The following CACNA1E variants were observed in gnomAD, a reference collection of about 807,000 sequenced individuals.
The protein encoded by CACNA1E is calcium voltage-gated channel subunit alpha1 E.
CACNA1E carries 40 observed loss-of-function variants against 259.2 expected under a neutral mutation model. The observed-to-expected ratio is 0.15, with a 90% confidence interval of 0.12 to 0.20. The LOEUF is 0.20. CACNA1E is among the 10% of genes least tolerant of loss of function. The pLI is 1.00. For synonymous variants in CACNA1E, 1,104 were observed against 1,138.5 expected, an observed-to-expected ratio of 0.97 and a Z score of 0.61; for missense variants, 1,874 against 3,040.1, an observed-to-expected ratio of 0.62 and a Z score of 9.02.
chr1:181,368,549 G>A (rs1488183194), intron 1 of CACNA1E, among the ~76,000 whole-genome samples: 1 of 152,136 alleles, frequency 6.6e-6, no homozygotes, highest in Non-Finnish European at 1.5e-5. Context: ...TGGAGCTGTA[G>A]TAACAACTGC....
chr1:181,790,530 G>A lies in CACNA1E; in HGVS notation c.5872G>A (p.Gly1958Arg), dbSNP rs376329789. Residue 1958 changes from glycine to arginine, a missense_variant, in exon 44 of 48, where the codon GGA becomes AGA. Physicochemically the swap from Gly to Arg is moderately radical, Grantham distance 125. Around this residue, in one of 14 missense-constraint regions of CACNA1E, gnomAD observed 542 missense variants for 587.2 expected, o/e 0.92. Transcript: ENST00000367573. ...GGCTTGTATGGACCCCGCCGATGACGGACAGTTCCAAGAACGGCAGTCTCT... is the reference window on the plus strand; with the variant it reads ...GGCTTGTATGGACCCCGCCGATGACAGACAGTTCCAAGAACGGCAGTCTCT... Reference protein sequence around the residue: ...QLACMDPADDGQFQERQSLEP... With the variant: ...QLACMDPADDRQFQERQSLEP... 1.7e-5 allele frequency: 28 copies of A among 1,610,582 alleles called. No individual in the cohort carries two copies. Among genetic ancestry groups the A allele is most frequent in the Middle Eastern group, 1.6e-4 (1 of 6,062 alleles).
chr1:181,487,840 C>G (rs1365356823), intron 1 of CACNA1E, among the ~76,000 whole-genome samples: 5 of 152,180 alleles, frequency 3.3e-5, no homozygotes, highest in African/African-American at 7.2e-5. Context: ...CTTGGAGACT[C>G]TATGCCAGAG....
chr1:181,581,328 C>T (rs1037613786), intron 6 of CACNA1E, among the ~76,000 whole-genome samples: 10 of 152,134 alleles, frequency 6.6e-5, no homozygotes, highest in African/African-American at 1.4e-4. Context: ...ATCTGATTCT[C>T]ATATGTAGCC....
At chr1:181,442,752 A>C (rs1474149373) in intron 2 of CACNA1E, among the ~76,000 whole-genome samples, 1 of 152,130 alleles carries the variant, frequency 6.6e-6, no homozygotes, top group Non-Finnish European at 1.5e-5. Flanking sequence ...GCCCTTCCAC[A>C]TCCTGTCTCT....
intron 25 of CACNA1E, among the ~76,000 whole-genome samples, chr1:181,749,352 C>G (rs969610633): frequency 3.9e-5 from 6 of 152,154 alleles, no homozygotes; most frequent in African/African-American, 1.4e-4. Flanking sequence ...TGATCTTAGG[C>G]AAGGCACTTC....
chr1:181,666,736 G>A lies in CACNA1E; in HGVS notation c.1055+15295G>A, dbSNP rs188666841. On this transcript the variant is annotated intron_variant, in intron 7 of 47. Transcript: ENST00000367573. ...TATATATATATACACACACACACAC[G>A]ACATATATTGTGTATGTGTGTGTAT... Among the ~76,000 whole-genome samples, 509 of 149,028 alleles carry A rather than the reference G, an allele frequency of 3.4e-3. 4 individuals carry two copies. The highest frequency in any genetic ancestry group is 0.012 in the African/African-American group (481 of 40,694).
intron 24 of CACNA1E, 85 bp downstream of exon 24, chr1:181,738,511 T>G: frequency 9.5e-7 from 1 of 1,056,884 alleles, no homozygotes; most frequent in Non-Finnish European, 1.5e-6. Flanking sequence ...TCCTCAGTGT[T>G]ACCACCTACC....
chr1:181,493,274 G>A (rs1664470500), intron 1 of CACNA1E, among the ~76,000 whole-genome samples: 1 of 152,192 alleles, frequency 6.6e-6, no homozygotes, highest in Non-Finnish European at 1.5e-5. Flanking sequence ...AAATATCAAA[G>A]CCTTTATGAG....
chr1:181,442,569 C>T (rs1443417162), intron 2 of CACNA1E, among the ~76,000 whole-genome samples: 1 of 151,806 alleles, frequency 6.6e-6, no homozygotes, highest in African/African-American at 2.4e-5. Flanking sequence ...TCCAGTGGGC[C>T]ACCTCCCCAC....
intron 6 of CACNA1E, among the ~76,000 whole-genome samples, chr1:181,598,687 T>C (rs1271068023): frequency 1.3e-5 from 2 of 152,238 alleles, no homozygotes; most frequent in South Asian, 2.1e-4. Context: ...TGTCTGACAC[T>C]GTCCTTGTTC....
At chr1:181,714,043 A>G (rs1356769546) in intron 8 of CACNA1E, among the ~76,000 whole-genome samples, 2 of 152,202 alleles carry the variant, frequency 1.3e-5, no homozygotes, top group African/African-American at 4.8e-5. Flanking sequence ...TTCAACAATC[A>G]GTTAAATTCT....
Position 181,798,303 on chromosome 1 carries a change from C to G in CACNA1E, c.6411C>G (p.Ser2137=), listed in dbSNP as rs1338568550. Residue 2137 remains serine, a synonymous_variant, in exon 48 of 48, where the codon TCC becomes TCG. Coordinates refer to ENST00000367573, the MANE Select transcript of CACNA1E (RefSeq NM_001205293.3). The surrounding 1 kb of genome is among the most constrained non-coding windows in gnomAD (Gnocchi z 4.2). ...CTCCTGCTATACAGGGCACAGGTTC[C>G]CTAAGTGAGAGCTCCATCCCCTCTG... The part of the protein sequence containing the change: ...SQTPNRQGTG[S]LSESSIPSVS... The G allele has an allele frequency of 5.6e-6, 9 of 1,595,456 alleles. No individual in the cohort carries two copies. Among genetic ancestry groups the G allele is most frequent in the Non-Finnish European group, 7.7e-6 (9 of 1,172,468 alleles).
At chr1:181,760,119 C>T (rs879375851) in intron 32 of CACNA1E, among the ~76,000 whole-genome samples, 5 of 152,118 alleles carry the variant, frequency 3.3e-5, no homozygotes, top group Admixed American at 3.3e-4. Flanking sequence ...GAAATTTTTT[C>T]TATGCATGTT....
At chr1:181,338,762 T>C (rs1031726071) in intron 1 of CACNA1E, among the ~76,000 whole-genome samples, 1 of 152,204 alleles carries the variant, frequency 6.6e-6, no homozygotes, top group African/African-American at 2.4e-5. Context: ...TTTTCCCTTA[T>C]TTCTTTTTTC....
chr1:181,661,595 G>C (rs1160249469), intron 7 of CACNA1E, among the ~76,000 whole-genome samples: 1 of 152,162 alleles, frequency 6.6e-6, no homozygotes, highest in Non-Finnish European at 1.5e-5. Flanking sequence ...GTATGAGAAA[G>C]CGTAACACAC....
intron 3 of CACNA1E, among the ~76,000 whole-genome samples, chr1:181,532,893 C>A (rs1028191274): frequency 6.6e-6 from 1 of 152,178 alleles, no homozygotes; most frequent in Admixed American, 6.5e-5. Context: ...TTACCATTCG[C>A]TTTATAGGTC....
rs1382169131 is a variant in CACNA1E at position 181,575,081 on chromosome 1, G to A, written c.513-2685G>A. ...TTACTTTCTAACAGGTGAACGGGGA[G>A]CCGGCTGTCATTCCTGCCTCAAGGA... On this transcript the variant is annotated intron_variant, in intron 3 of 47. Coordinates refer to ENST00000367573, the MANE Select transcript of CACNA1E (RefSeq NM_001205293.3). Among the ~76,000 whole-genome samples, 3 of 152,140 alleles carry A rather than the reference G, an allele frequency of 2.0e-5. No homozygotes were observed. The South Asian group carries it at 6.2e-4, about 32-fold the overall frequency.
intron 1 of CACNA1E, among the ~76,000 whole-genome samples, chr1:181,356,343 T>C (rs202015436): frequency 2.7e-5 from 4 of 147,578 alleles, no homozygotes; most frequent in African/African-American, 7.8e-5. Context: ...CTTCTATTCG[T>C]GTGTGTGTGT....
intron 25 of CACNA1E, chr1:181,745,197 T>A: frequency 3.3e-6 from 1 of 300,538 alleles, no homozygotes; most frequent in Non-Finnish European, 6.5e-6. Context: ...AGTCTCAGCA[T>A]GCATATTTTT....
Sources: gnomAD v4.1 joint callset for allele counts (sites outside exome capture counted in the v4.1 genomes callset) on GRCh38, gnomAD v4.1.1 for gene constraint, gnomAD v4.1.1 regional missense constraint, Gnocchi (gnomAD v3.1) non-coding constraint, MANE v1.5 for transcripts, NCBI Gene and HGNC (gene_info 2026-07-23, HGNC 2026-07-21) for gene names.